The following GARIN5A variants were observed in gnomAD, a reference collection of about 807,000 sequenced individuals.
The protein encoded by GARIN5A is golgi associated RAB2 interactor 5A, also known as Golgi-associated RAB2 interactor protein 5A.
At chr19:50,475,386 G>GCCTCCAGGC in the GARIN5A span, 1 of 1,610,630 alleles carries the variant, frequency 6.2e-7, no homozygotes, top group Non-Finnish European at 8.5e-7. Flanking sequence ...AGGTCCGGGA[G>GCCTCCAGGC]CTCCAGGGCT....
At chr19:50,468,841 AG>A in the GARIN5A span, among the ~76,000 whole-genome samples, 3 of 152,170 alleles carry the variant, frequency 2.0e-5, no homozygotes, top group Non-Finnish European at 4.4e-5. Context: ...CCTGGGCTCA[AG>A]TGATCCTCTC....
the GARIN5A span, among the ~76,000 whole-genome samples, chr19:50,472,112 GTATA>G: frequency 6.6e-6 from 1 of 150,772 alleles, no homozygotes; most frequent in Non-Finnish European, 1.5e-5. Context: ...ATATACGTGT[GTATA>G]TGTATATATA....
At chr19:50,475,589 T>C in the GARIN5A span, 15 of 867,036 alleles carry the variant, frequency 1.7e-5, no homozygotes, top group Middle Eastern at 2.3e-4. Flanking sequence ...GGGCCAGATA[T>C]CTTGAAATTA....
At chr19:50,474,168 CTTTTT>C in the GARIN5A span, among the ~76,000 whole-genome samples, 4 of 128,328 alleles carry the variant, frequency 3.1e-5, no homozygotes, top group African/African-American at 3.0e-5. Context: ...CTTTTCTTTT[CTTTTT>C]TATTCTCTCT....
At chr19:50,472,022 ATG>A in the GARIN5A span, among the ~76,000 whole-genome samples, 1 of 144,230 alleles carries the variant, frequency 6.9e-6, no homozygotes, top group African/African-American at 2.9e-5. Context: ...ACGTGTGTAT[ATG>A]TATATGTACG....
At chr19:50,472,227 T>TATAC in the GARIN5A span, among the ~76,000 whole-genome samples, 1 of 77,890 alleles carries the variant, frequency 1.3e-5, no homozygotes, top group African/African-American at 5.7e-5. Flanking sequence ...TATGTATATA[T>TATAC]ACATGTATGT....
the GARIN5A span, chr19:50,476,184 C>T: frequency 1.2e-6 from 2 of 1,613,704 alleles, no homozygotes; most frequent in East Asian, 2.2e-5. Flanking sequence ...GGCTTAGGGC[C>T]GCGATCCCGC....
chr19:50,469,101 C>A, the GARIN5A span, among the ~76,000 whole-genome samples: 1 of 152,150 alleles, frequency 6.6e-6, no homozygotes, highest in Non-Finnish European at 1.5e-5. Context: ...GGAATAAACA[C>A]AAAGCCCTCA....
the GARIN5A span, among the ~76,000 whole-genome samples, chr19:50,473,625 G>A: frequency 0.039 from 5,914 of 152,182 alleles, 127 homozygotes; most frequent in East Asian, 0.11. Context: ...CTCCCAAAGT[G>A]CTGGGATTAC....
At chr19:50,472,046 G>GTATATGTA in the GARIN5A span, among the ~76,000 whole-genome samples, 2 of 141,872 alleles carry the variant, frequency 1.4e-5, no homozygotes, top group African/African-American at 5.9e-5. Context: ...GTGTGTATAT[G>GTATATGTA]TATATATACG....
the GARIN5A span, chr19:50,476,463 G>C: frequency 6.4e-7 from 1 of 1,564,920 alleles, no homozygotes; most frequent in South Asian, 1.1e-5. Context: ...GCGCACGGGC[G>C]TCAGGATGCG....
chr19:50,467,914 C>A, the GARIN5A span: 1 of 1,173,400 alleles, frequency 8.5e-7, no homozygotes, highest in Non-Finnish European at 1.2e-6. Context: ...CACCTTGCCA[C>A]CCCTCCCTCT....
chr19:50,467,906 C>A, the GARIN5A span: 3 of 1,250,340 alleles, frequency 2.4e-6, no homozygotes, highest in Non-Finnish European at 3.4e-6. Context: ...GGGGTCCCCA[C>A]CTTGCCACCC....
chr19:50,471,770 ATACC>A, the GARIN5A span, among the ~76,000 whole-genome samples: 29 of 134,314 alleles, frequency 2.2e-4, no homozygotes, highest in African/African-American at 8.7e-4. Flanking sequence ...ATACGCATAC[ATACC>A]TGTGTGTATA....
chr19:50,472,243 T>TA, the GARIN5A span, among the ~76,000 whole-genome samples: 2,867 of 133,552 alleles, frequency 0.021, 140 homozygotes, highest in African/African-American at 0.083. Flanking sequence ...TATGTGTGTA[T>TA]TATATATACA....
At chr19:50,476,136 TC>T in the GARIN5A span, 1 of 1,613,392 alleles carries the variant, frequency 6.2e-7, no homozygotes, top group Non-Finnish European at 8.5e-7. Flanking sequence ...TCACCTGCCA[TC>T]CCACCTGGTT....
At chr19:50,471,772 A>G in the GARIN5A span, among the ~76,000 whole-genome samples, 6 of 122,558 alleles carry the variant, frequency 4.9e-5, no homozygotes, top group East Asian at 9.7e-4. Context: ...ACGCATACAT[A>G]CCTGTGTGTA....
At chr19:50,472,638 T>C in the GARIN5A span, among the ~76,000 whole-genome samples, 1 of 152,144 alleles carries the variant, frequency 6.6e-6, no homozygotes, top group Non-Finnish European at 1.5e-5. Flanking sequence ...GTCACACGTA[T>C]AGTCCCAGCA....
chr19:50,472,310 T>TGTATGTGTGTATATATGTATATATACAC, the GARIN5A span, among the ~76,000 whole-genome samples: 8 of 151,798 alleles, frequency 5.3e-5, no homozygotes, highest in African/African-American at 1.9e-4. Flanking sequence ...TATATATACA[T>TGTATGTGTGTATATATGTATATATACAC]GTATGTGTGT....
Sources: allele counts gnomAD v4.1 joint callset (sites outside exome capture counted in the v4.1 genomes callset), GRCh38; gene constraint gnomAD v4.1.1; transcripts MANE v1.5; gene names NCBI Gene and HGNC (gene_info 2026-07-23, HGNC 2026-07-21).